The following RAB7A variants were observed in gnomAD, a reference collection of about 807,000 sequenced individuals.
RAB7A encodes RAB7A, member RAS oncogene family.
In RAB7A, 2 loss-of-function variants were observed where a neutral mutation model predicts 24.5. The observed-to-expected ratio is 0.08, with a 90% CI of 0.03 to 0.26. The LOEUF is 0.26. Ranked by LOEUF, RAB7A falls within the 10% of genes least tolerant of loss-of-function variation. The probability of loss-of-function intolerance (pLI) is 1.00; values close to 1 mark genes in which losing one functional copy is unlikely to be tolerated. For missense variants in RAB7A, 118 were observed against 255.7 expected, an observed-to-expected ratio of 0.46 and a Z score of 3.67; for synonymous variants, 100 against 95.9, an observed-to-expected ratio of 1.04 and a Z score of -0.25.
chr3:128,731,770 G>A (rs920948407), intron 1 of RAB7A, among the ~76,000 whole-genome samples: 1 of 152,062 alleles, frequency 6.6e-6, no homozygotes, highest in Non-Finnish European at 1.5e-5. Flanking sequence ...CACTTTGGGA[G>A]GCCGAGGAGG....
At chr3:128,729,058 G>A (rs547390746) in intron 1 of RAB7A, among the ~76,000 whole-genome samples, 1 of 152,286 alleles carries the variant, frequency 6.6e-6, no homozygotes, top group East Asian at 1.9e-4. Context: ...GTGGAATGTA[G>A]AAGATAGTCT....
chr3:128,790,581 T>TG (rs1223830638), intron 1 of RAB7A, among the ~76,000 whole-genome samples: 2 of 152,236 alleles, frequency 1.3e-5, no homozygotes, highest in Non-Finnish European at 2.9e-5. Context: ...GAAGAGGAGA[T>TG]GTAGAGATCT....
intron 1 of RAB7A, among the ~76,000 whole-genome samples, chr3:128,740,935 CTTTG>C (rs1054485081): frequency 2.4e-5 from 3 of 125,728 alleles, no homozygotes; most frequent in Non-Finnish European, 3.5e-5. Context: ...ACTTGTGTTT[CTTTG>C]TTTGATAGAT....
At chr3:128,755,702 GATTTT>G (rs892661916) in intron 1 of RAB7A, among the ~76,000 whole-genome samples, 18 of 152,048 alleles carry the variant, frequency 1.2e-4, no homozygotes, top group African/African-American at 3.6e-4. Context: ...AAAGTGATAT[GATTTT>G]ATTTTATTTT....
chr3:128,808,870 C>T (rs1472200571), intron 5 of RAB7A, among the ~76,000 whole-genome samples: 1 of 152,158 alleles, frequency 6.6e-6, no homozygotes, highest in East Asian at 1.9e-4. Flanking sequence ...GTAATGGTTG[C>T]TCCAAGGACC....
intron 1 of RAB7A, among the ~76,000 whole-genome samples, chr3:128,737,789 C>T (rs1223965001): frequency 6.8e-6 from 1 of 146,464 alleles, no homozygotes; most frequent in African/African-American, 2.5e-5. Context: ...GCTGGGACTA[C>T]AGGCACATGC....
intron 1 of RAB7A, among the ~76,000 whole-genome samples, chr3:128,787,517 C>T (rs1933364768): frequency 6.6e-6 from 1 of 152,186 alleles, no homozygotes; most frequent in Admixed American, 6.5e-5. Context: ...GCTGACACTC[C>T]TGGTAATTCC....
intron 1 of RAB7A, among the ~76,000 whole-genome samples, chr3:128,790,480 G>A (rs562440376): frequency 2.6e-5 from 4 of 152,286 alleles, no homozygotes; most frequent in African/African-American, 9.6e-5. Context: ...CCCACCACAT[G>A]GAACAACTTG....
intron 1 of RAB7A, among the ~76,000 whole-genome samples, chr3:128,726,861 G>A (rs1237215873): frequency 1.3e-5 from 2 of 152,354 alleles, no homozygotes; most frequent in African/African-American, 2.4e-5. Flanking sequence ...GACGGCAACT[G>A]AGTCAAGGCA....
rs150983298 is a variant in RAB7A, at chr3:128,771,047, G to A, written c.-8-24313G>A. Among the ~76,000 whole-genome samples the A allele has an allele frequency of 9.0e-4, 136 of 151,008 alleles. 2 individuals carry two copies. The East Asian group carries it at 0.026, about 28-fold the overall frequency. Reference sequence around the variant, plus strand: ...TGCAGTGGTACAATCTCAGCTCACTGTAACCCCCACTTCCCGGGTTCAAGC... The same window carrying A: ...TGCAGTGGTACAATCTCAGCTCACTATAACCCCCACTTCCCGGGTTCAAGC... On this transcript the variant is annotated intron_variant, in intron 1 of 5. Transcript: ENST00000265062.
In RAB7A at chr3:128,737,049, A is replaced by T. The variant is rs28576849; in HGVS notation, c.-9+10690A>T. ...ATCCTAAGAAATTTATTTATTTATT[A>T]TTTTTTGAGATGAAGTCTCCCTCTG... On this transcript the variant is annotated intron_variant, in intron 1 of 5. Transcript: ENST00000265062. 4.8e-4 allele frequency among the ~76,000 whole-genome samples: 63 copies of T among 131,598 alleles called. 2 individuals are homozygous for T. The highest frequency in any genetic ancestry group is 2.0e-3 in the Admixed American group (27 of 13,226). 86.3% of individuals were successfully genotyped at this position (131,598 alleles called of 152,430 possible).
chr3:128,798,562 G>A (rs1933626745), intron 3 of RAB7A: 1 of 170,062 alleles, frequency 5.9e-6, no homozygotes, highest in African/African-American at 2.4e-5. Flanking sequence ...ATCTTTCAAG[G>A]GTTCCCTTTC....
chr3:128,803,305 A>G (rs1403026380), intron 3 of RAB7A, among the ~76,000 whole-genome samples: 2 of 152,224 alleles, frequency 1.3e-5, no homozygotes, highest in Non-Finnish European at 2.9e-5. Context: ...AATAGATTAC[A>G]TTAAACATGT....
intron 1 of RAB7A, among the ~76,000 whole-genome samples, chr3:128,737,825 G>GTTTTTTTTTTTTTTTTTTT (rs56027163): frequency 5.0e-5 from 3 of 59,492 alleles, no homozygotes; most frequent in Non-Finnish European, 9.0e-5. Flanking sequence ...TTTTTTTGTA[G>GTTTTTTTTTTTTTTTTTTT]TTTTTTTTTT....
intron 5 of RAB7A, among the ~76,000 whole-genome samples, chr3:128,808,095 G>A (rs1419260723): frequency 6.6e-6 from 1 of 152,148 alleles, no homozygotes; most frequent in Non-Finnish European, 1.5e-5. Context: ...TGTGGCTCAT[G>A]CCTGTAATCC....
chr3:128,763,208 A>ATATATATATTT (rs373993932), intron 1 of RAB7A, among the ~76,000 whole-genome samples: 3 of 76,102 alleles, frequency 3.9e-5, no homozygotes, highest in African/African-American at 2.4e-4. Flanking sequence ...ATATATATAT[A>ATATATATATTT]TTTTTTTTTT....
chr3:128,789,378 C>T (rs1933406574), intron 1 of RAB7A, among the ~76,000 whole-genome samples: 2 of 149,800 alleles, frequency 1.3e-5, no homozygotes, highest in South Asian at 4.2e-4. Context: ...CTCTGTTGCC[C>T]AGGCTGGAGC....
At position 128,807,557 on chromosome 3, in the gene RAB7A, G is replaced by T. The variant is rs754928233; in HGVS notation, c.414G>T (p.Arg138=). The change falls in exon 5 of 6, where the codon CGG becomes CGT. Residue 138 remains arginine (R), a synonymous_variant. Coordinates refer to ENST00000265062, the MANE Select transcript of RAB7A (RefSeq NM_004637.6). ...TCTTCTTTCAGGTGGCCACAAAGCG[G>T]GCACAGGCCTGGTGCTACAGCAAAA... ...DLENRQVATK[R]AQAWCYSKNN... 6.2e-7 allele frequency: 1 copy of T among 1,614,128 alleles called. No individual in the cohort carries two copies. Among genetic ancestry groups the T allele is most frequent in the Non-Finnish European group, 8.5e-7 (1 of 1,180,020 alleles).
At chr3:128,742,082 T>C (rs531634663) in intron 1 of RAB7A, among the ~76,000 whole-genome samples, 33 of 152,290 alleles carry the variant, frequency 2.2e-4, no homozygotes, top group African/African-American at 7.7e-4. Context: ...TGTTCGGACA[T>C]GTTCAGAGTT....
Sources: allele counts gnomAD v4.1 joint callset (sites outside exome capture counted in the v4.1 genomes callset), GRCh38; gene constraint gnomAD v4.1.1; transcripts MANE v1.5; gene names NCBI Gene and HGNC (gene_info 2026-07-23, HGNC 2026-07-21).